Variants in GALK2 observed in about 807,000 individuals in gnomAD.
GALK2 encodes the protein N-acetylgalactosamine kinase.
A neutral mutation model predicts 52.4 loss-of-function variants in GALK2; 36 were observed. That is an observed-to-expected ratio of 0.69 (90% CI 0.53 to 0.91). GALK2 has a LOEUF of 0.91. GALK2 is among the 40% of genes least tolerant of loss of function. The pLI is 0.00. For missense variants in GALK2, 579 were observed against 559.1 expected (o/e 1.04, Z -0.36); for synonymous variants, 176 against 199.1 (o/e 0.88, Z 0.98).
At position 49,159,743 on chromosome 15, in the gene GALK2, T is replaced by G. The variant is rs544795371; in HGVS notation, c.20+3727T>G. Among the ~76,000 whole-genome samples, 4 of 152,290 alleles carry G rather than the reference T, an allele frequency of 2.6e-5. No individual in the cohort carries two copies. In the South Asian group the frequency reaches 6.2e-4, roughly 24 times the overall value. On this transcript the variant is annotated intron_variant, in intron 1 of 9. Coordinates refer to the GALK2 transcript ENST00000327171. The stretch of plus-strand genomic sequence containing the variant: ...ACCTATACATACAAATGTTTTTCCC[T>G]AACAGTCTTCTTCTCAATATTTTAT...
intron 5 of GALK2, among the ~76,000 whole-genome samples, chr15:49,248,528 G>T (rs981005554): frequency 1.2e-4 from 18 of 152,170 alleles, no homozygotes; most frequent in Non-Finnish European, 2.5e-4. Context: ...GTGCTCACTG[G>T]TACAAAAACC....
chr15:49,175,529 T>C (rs1013666402), intron 1 of GALK2, among the ~76,000 whole-genome samples: 1 of 152,202 alleles, frequency 6.6e-6, no homozygotes, highest in African/African-American at 2.4e-5. Flanking sequence ...GGAATGCTTC[T>C]AATATTTTGC....
intron 1 of GALK2, among the ~76,000 whole-genome samples, chr15:49,171,082 C>CTTTTTTTTTTTTT (rs201895577): frequency 1.7e-4 from 22 of 129,912 alleles, no homozygotes; most frequent in Non-Finnish European, 2.3e-4. Flanking sequence ...TTTTCTTTTT[C>CTTTTTTTTTTTTT]TTTTTTTTTT....
chr15:49,236,431 A>T (rs767411417), intron 4 of GALK2, among the ~76,000 whole-genome samples: 1 of 152,196 alleles, frequency 6.6e-6, no homozygotes, highest in Non-Finnish European at 1.5e-5. Flanking sequence ...GATGGTAGCC[A>T]TTTAATAAAT....
At chr15:49,210,973 T>TCACACACACACACACACACACACACA (rs3075099) in intron 2 of GALK2, among the ~76,000 whole-genome samples, 2 of 146,538 alleles carry the variant, frequency 1.4e-5, no homozygotes, top group African/African-American at 5.1e-5. Flanking sequence ...ACACACACAC[T>TCACACACACACACACACACACACACA]CACACACACA....
intron 5 of GALK2, among the ~76,000 whole-genome samples, chr15:49,265,796 G>C (rs771256796): frequency 2.0e-5 from 3 of 152,058 alleles, no homozygotes; most frequent in Non-Finnish European, 4.4e-5. Flanking sequence ...ATATTCTTTG[G>C]GCTTCTGTGA....
downstream of GALK2, among the ~76,000 whole-genome samples, chr15:49,332,634 A>G (rs2039001913): frequency 6.6e-6 from 1 of 152,228 alleles, no homozygotes; most frequent in African/African-American, 2.4e-5. Flanking sequence ...AGAGAAACGG[A>G]ATAAAGGATA....
chr15:49,272,613 T>C (rs2141697897), intron 5 of GALK2, among the ~76,000 whole-genome samples: 1 of 152,274 alleles, frequency 6.6e-6, no homozygotes, highest in Middle Eastern at 3.4e-3. Flanking sequence ...TATTACCTTT[T>C]AGATTCATGT....
At chr15:49,360,001 A>C (rs888455104) in intron 3 of GALK2, among the ~76,000 whole-genome samples, 1 of 147,796 alleles carries the variant, frequency 6.8e-6, no homozygotes. Context: ...AAAAAACCAA[A>C]CACCGCATAT....
intron 3 of GALK2, among the ~76,000 whole-genome samples, chr15:49,342,224 A>G (rs984359132): frequency 6.6e-6 from 1 of 152,166 alleles, no homozygotes; most frequent in Non-Finnish European, 1.5e-5. Context: ...TGCTGGGTGC[A>G]TATATATTTA....
At chr15:49,276,242 G>A (rs1428491379) in intron 5 of GALK2, among the ~76,000 whole-genome samples, 2 of 152,166 alleles carry the variant, frequency 1.3e-5, no homozygotes, top group East Asian at 3.9e-4. Context: ...AAAATACATG[G>A]TAGAGACGGG....
intron 5 of GALK2, among the ~76,000 whole-genome samples, chr15:49,273,395 G>A (rs975659346): frequency 6.6e-6 from 1 of 151,914 alleles, no homozygotes; most frequent in African/African-American, 2.4e-5. Context: ...AGGGTCATTT[G>A]CATCTGCTGT....
intron 1 of GALK2, among the ~76,000 whole-genome samples, chr15:49,185,041 T>TTG (rs2086248471): frequency 6.6e-6 from 1 of 152,154 alleles, no homozygotes; most frequent in Admixed American, 6.5e-5. Context: ...TATGGGAATA[T>TTG]TGTGTGATGC....
intron 3 of GALK2, among the ~76,000 whole-genome samples, chr15:49,226,158 T>C (rs1014446929): frequency 1.1e-4 from 16 of 152,144 alleles, no homozygotes; most frequent in African/African-American, 3.9e-4. Flanking sequence ...CTCCATTCCA[T>C]ATAGGCTGGA....
chr15:49,362,338 T>TCTTGCTTC (rs1457149839), intron 3 of GALK2, among the ~76,000 whole-genome samples: 1 of 152,124 alleles, frequency 6.6e-6, no homozygotes, highest in Non-Finnish European at 1.5e-5. Flanking sequence ...TGAAGAAGGT[T>TCTTGCTTC]CTTGCTTCCC....
intron 3 of GALK2, among the ~76,000 whole-genome samples, chr15:49,337,214 A>T (rs769050855): frequency 4.6e-5 from 7 of 152,222 alleles, no homozygotes; most frequent in Non-Finnish European, 1.0e-4. Flanking sequence ...ATACCCAGTA[A>T]TGGGACTGCT....
intron 1 of GALK2, among the ~76,000 whole-genome samples, chr15:49,162,575 A>T (rs1320485715): frequency 6.6e-6 from 1 of 152,148 alleles, no homozygotes; most frequent in East Asian, 1.9e-4. Flanking sequence ...CGTGAGTGGG[A>T]TCTGTGACTT....
intron 5 of GALK2, among the ~76,000 whole-genome samples, chr15:49,240,253 T>A (rs912037746): frequency 7.2e-5 from 11 of 152,170 alleles, no homozygotes; most frequent in African/African-American, 2.7e-4. Flanking sequence ...TATTATTATT[T>A]TTTGAGAAGA....
intron 1 of GALK2, among the ~76,000 whole-genome samples, chr15:49,192,485 G>GTATATATATGTGTATA (rs1555400548): frequency 1.4e-4 from 14 of 102,974 alleles, no homozygotes; most frequent in South Asian, 3.2e-4. Flanking sequence ...ATATATATAT[G>GTATATATATGTGTATA]TATATATATA....
Sources: allele counts gnomAD v4.1 joint callset (sites outside exome capture counted in the v4.1 genomes callset), GRCh38; gene constraint gnomAD v4.1.1; transcripts MANE v1.5; gene names NCBI Gene and HGNC (gene_info 2026-07-23, HGNC 2026-07-21).